Variants in LINGO2 observed in about 807,000 individuals in gnomAD.
The protein encoded by LINGO2 is leucine-rich repeat and immunoglobulin-like domain-containing nogo receptor-interacting protein 2.
Under a neutral mutation model 30.6 loss-of-function variants are expected in LINGO2, and 14 were observed. That is an observed-to-expected ratio of 0.46 (90% CI 0.30 to 0.72). The LOEUF is 0.72. Ranked by LOEUF, LINGO2 falls within the 30% of genes least tolerant of loss-of-function variation. The pLI is 0.07. For missense variants in LINGO2, 729 were observed against 751.7 expected, an observed-to-expected ratio of 0.97 and a Z score of 0.35; for synonymous variants, 317 against 288.5, an observed-to-expected ratio of 1.10 and a Z score of -1.00.
intron 5 of LINGO2, among the ~76,000 whole-genome samples, chr9:27,993,409 A>T (rs1230323982): frequency 6.6e-6 from 1 of 151,364 alleles, no homozygotes; most frequent in Non-Finnish European, 1.5e-5. Context: ...ATGGTGTCTC[A>T]TGCCTGTAAT....
At chr9:28,665,961 C>T (rs1321347789) in intron 1 of LINGO2, among the ~76,000 whole-genome samples, 3 of 149,232 alleles carry the variant, frequency 2.0e-5, no homozygotes, top group African/African-American at 5.0e-5. Context: ...GGCGCGATCT[C>T]GGCTCACTGC....
intron 1 of LINGO2, among the ~76,000 whole-genome samples, chr9:28,519,430 C>G (rs1049631200): frequency 6.6e-6 from 1 of 152,126 alleles, no homozygotes; most frequent in African/African-American, 2.4e-5. Flanking sequence ...TGTATCATTA[C>G]TTAGTTAAGA....
chr9:28,136,384 G>T (rs540938331), intron 4 of LINGO2, among the ~76,000 whole-genome samples: 20 of 152,262 alleles, frequency 1.3e-4, no homozygotes, highest in African/African-American at 4.6e-4. Flanking sequence ...CCCACACAGG[G>T]TCTTCAGTTG....
chr9:28,830,239 T>C, the LINGO2 span, among the ~76,000 whole-genome samples: 1 of 152,056 alleles, frequency 6.6e-6, no homozygotes. Context: ...CTTGGGCTGA[T>C]GGAAAGACTG....
chr9:28,780,531 G>A, the LINGO2 span, among the ~76,000 whole-genome samples: 369 of 152,226 alleles, frequency 2.4e-3, 2 homozygotes, highest in African/African-American at 8.4e-3. Flanking sequence ...GAATGTGGAA[G>A]AGGAAGATGA....
At chr9:28,720,927 G>A in the LINGO2 span, among the ~76,000 whole-genome samples, 1 of 152,000 alleles carries the variant, frequency 6.6e-6, no homozygotes, top group Non-Finnish European at 1.5e-5. Flanking sequence ...AATCACTGGA[G>A]TGTTGTCTCT....
At chr9:28,119,353 A>T (rs1454732195) in intron 4 of LINGO2, among the ~76,000 whole-genome samples, 1 of 152,200 alleles carries the variant, frequency 6.6e-6, no homozygotes, top group African/African-American at 2.4e-5. Context: ...CATGATTTTA[A>T]GCTGTAATGA....
chr9:29,021,275 G>A, the LINGO2 span, among the ~76,000 whole-genome samples: 3 of 152,148 alleles, frequency 2.0e-5, no homozygotes, highest in African/African-American at 7.2e-5. Flanking sequence ...AGGGAAGAAG[G>A]GTATTTGAAT....
At chr9:28,843,203 G>A in the LINGO2 span, among the ~76,000 whole-genome samples, 2 of 151,602 alleles carry the variant, frequency 1.3e-5, no homozygotes, top group East Asian at 3.9e-4. Context: ...TTCCAGCATA[G>A]GAAATAATAC....
intron 1 of LINGO2, among the ~76,000 whole-genome samples, chr9:28,482,088 G>A (rs1398496553): frequency 6.6e-6 from 1 of 151,992 alleles, no homozygotes; most frequent in African/African-American, 2.4e-5. Context: ...AAACATATGT[G>A]TGCATGTGTC....
the LINGO2 span, among the ~76,000 whole-genome samples, chr9:29,073,278 G>A: frequency 2.0e-5 from 3 of 151,946 alleles, no homozygotes; most frequent in Admixed American, 2.0e-4. Flanking sequence ...ATAAAAATTA[G>A]ATTTGTAACT....
rs2133442388 is a variant in LINGO2, at chr9:28,130,773, A to T, written c.-86-118368T>A. On this transcript the variant is annotated intron_variant, in intron 4 of 5. Transcript: ENST00000379992. This position sits in a 1 kb window ranked among gnomAD's most constrained non-coding sequence, Gnocchi z 5.2. ...TTATATTATCAGATATTCTGGGCCAAATGTGCAGAAATGGAAAAAGATTAG... is the reference window on the plus strand; with the variant it reads ...TTATATTATCAGATATTCTGGGCCATATGTGCAGAAATGGAAAAAGATTAG... Among the ~76,000 whole-genome samples the T allele has an allele frequency of 6.6e-6, 1 of 152,272 alleles. No homozygotes were observed. The highest frequency in any genetic ancestry group is 3.4e-3 in the Middle Eastern group (1 of 294).
At chr9:28,460,927 CT>C (rs1172609219) in intron 2 of LINGO2, among the ~76,000 whole-genome samples, 1 of 152,028 alleles carries the variant, frequency 6.6e-6, no homozygotes, top group Non-Finnish European at 1.5e-5. Context: ...GTATCATTTC[CT>C]TTTTAGTTCA....
At chr9:28,360,581 CT>C (rs1820401823) in intron 3 of LINGO2, among the ~76,000 whole-genome samples, 1 of 152,176 alleles carries the variant, frequency 6.6e-6, no homozygotes, top group South Asian at 2.1e-4. Flanking sequence ...TTTGAAGGCA[CT>C]GAAGAGACAC....
chr9:28,509,603 C>T (rs543216753), intron 1 of LINGO2, among the ~76,000 whole-genome samples: 3 of 152,052 alleles, frequency 2.0e-5, no homozygotes, highest in Non-Finnish European at 2.9e-5. Context: ...GAGACAGGGC[C>T]GTTAAGGAGG....
chr9:27,963,831 C>CT (rs1819968126), intron 5 of LINGO2, among the ~76,000 whole-genome samples: 1 of 151,006 alleles, frequency 6.6e-6, no homozygotes, highest in Non-Finnish European at 1.5e-5. Flanking sequence ...AAAACTGTAA[C>CT]TTCAGAAATC....
chr9:28,045,442 CAT>C (rs1274337381), intron 4 of LINGO2, among the ~76,000 whole-genome samples: 2 of 152,058 alleles, frequency 1.3e-5, no homozygotes, highest in African/African-American at 4.8e-5. Context: ...ATTCTCTTTG[CAT>C]ATCTGAATGT....
rs577745559 is a variant in LINGO2, at chr9:28,647,418, G to A, written c.-365+22782C>T. On this transcript the variant is annotated intron_variant, in intron 1 of 5. Transcript: ENST00000379992. ...AGGTTTGCTGCCAGTTCTAATATTC[G>A]GTGAGCTTTTGTGAGTGACACATAA... Among the ~76,000 whole-genome samples the A allele has an allele frequency of 1.4e-4, 21 of 151,904 alleles. No individual in the cohort carries two copies. The East Asian group carries it at 2.1e-3, about 15-fold the overall frequency.
chr9:28,646,211 ATAAG>A (rs1030501426), intron 1 of LINGO2, among the ~76,000 whole-genome samples: 1 of 152,082 alleles, frequency 6.6e-6, no homozygotes, highest in African/African-American at 2.4e-5. Context: ...ATGTAAGAAA[ATAAG>A]TAAGTAAGAA....
Sources: gnomAD v4.1 joint callset for allele counts (sites outside exome capture counted in the v4.1 genomes callset) on GRCh38, gnomAD v4.1.1 for gene constraint, Gnocchi (gnomAD v3.1) non-coding constraint, MANE v1.5 for transcripts, NCBI Gene and HGNC (gene_info 2026-07-23, HGNC 2026-07-21) for gene names.